The following TTN variants were observed in gnomAD, a reference collection of about 807,000 sequenced individuals.
TTN encodes connectin.
A neutral mutation model predicts 3,223.0 loss-of-function variants in TTN; 1,525 were observed. The observed-to-expected ratio is 0.47, with a 90% CI of 0.45 to 0.49. The LOEUF (loss-of-function observed/expected upper bound fraction) is 0.49, where lower values mean the gene tolerates loss of function less well. Among genes scored for constraint, TTN ranks in the 20% least tolerant of loss-of-function variants. The pLI is 0.00. For synonymous variants in TTN, 14,094 were observed against 15,161.0 expected, an observed-to-expected ratio of 0.93 and a Z score of 5.17; for missense variants, 40,786 against 43,424.0, an observed-to-expected ratio of 0.94 and a Z score of 5.40.
rs1235424627 is a variant in TTN at position 178,645,949 on chromosome 2, TCTTC to T, written c.40375_40378del (p.Glu13459MetfsTer2). The T allele has an allele frequency of 6.3e-7, 1 of 1,587,988 alleles. No homozygotes were observed. The highest frequency in any genetic ancestry group is 8.6e-7 in the Non-Finnish European group (1 of 1,168,960). ...AAGTTGGAATATTTTCTCCTTCACATCTTCCTTAGGTGGAGCAGGTGGAGGAGGT... is the reference window on the plus strand; with the variant it reads ...AAGTTGGAATATTTTCTCCTTCACATCTTAGGTGGAGCAGGTGGAGGAGGT... On this transcript the variant is annotated frameshift_variant, in exon 217 of 363. Transcript: ENST00000589042. LOFTEE classifies it high-confidence loss of function.
At chr2:178,731,244 C>T (rs1560796539) in intron 59 of TTN, 41 bp from the exon 60 acceptor site, 2 of 1,610,374 alleles carry the variant, frequency 1.2e-6, no homozygotes, top group East Asian at 4.5e-5. Context: ...GTGCATTACC[C>T]TGCTGAAAGG....
intron 37 of TTN, 88 bp from the exon 38 acceptor site, chr2:178,769,021 G>GT (rs1449385797): frequency 8.3e-6 from 12 of 1,442,656 alleles, no homozygotes; most frequent in Admixed American, 1.8e-5. Flanking sequence ...AATTTGGAAT[G>GT]TTTTTAGTGC....
Position 178,718,469 on chromosome 2 carries a change from G to T in TTN, c.24637C>A (p.Gln8213Lys). ...SWIKDEYLIS[Q>K]SERCSITMTE... is the part of the protein sequence containing the mutation. The stretch of plus-strand genomic sequence containing the variant: ...ATAGTAATACTGCATCTCTCAGATT[G>T]TGAAATAAGATACTCGTCCTTTATC... Residue 8213 changes from glutamine to lysine, a missense_variant, in exon 85 of 363, where the codon CAA (glutamine) becomes AAA (lysine). Physicochemically the swap from Gln to Lys is moderately conservative, Grantham distance 53 (BLOSUM62 1). Coordinates refer to ENST00000589042, the MANE Select transcript of TTN (RefSeq NM_001267550.2). The T allele has an allele frequency of 1.2e-6, 2 of 1,613,748 alleles. No individual in the cohort carries two copies. The highest frequency in any genetic ancestry group is 1.7e-6 in the Non-Finnish European group (2 of 1,179,742).
In TTN at chr2:178,701,653, G is replaced by A. The variant is rs369560608; in HGVS notation, c.30539-66C>T. ...AAGCTATTTATTAGAAAACTAAGGT[G>A]TGTTTGATTTATTAGATCCTGAGAT... On this transcript the variant is annotated intron_variant, in intron 109 of 362. Coordinates refer to ENST00000589042, the MANE Select transcript of TTN (RefSeq NM_001267550.2). 179 of 1,495,044 alleles carry A rather than the reference G, an allele frequency of 1.2e-4. No homozygotes were observed. In the African/African-American group the frequency reaches 2.2e-3, roughly 19 times the overall value. 92.6% of individuals were successfully genotyped at this position (1,495,044 alleles called of 1,614,324 possible).
chr2:178,684,770 A>G (rs773920821), intron 130 of TTN, 21 bp from the exon 131 acceptor site: 1 of 1,605,738 alleles, frequency 6.2e-7, no homozygotes, highest in Admixed American at 1.7e-5. Flanking sequence ...ACCAGGCAAT[A>G]CCATCAAACA....
chr2:178,776,618 T>C lies in TTN; in HGVS notation c.5246A>G (p.Asn1749Ser), dbSNP rs1304904777. ...AAATTCATTGATCATACGGAGCCTG[T>C]TGGCTGCTTCAAGTGGCTTTCCATC... The part of the protein sequence containing the change: ...LHDGKPLEAA[N>S]RLRMINEFGY... The change falls in exon 28 of 363, where the codon AAC becomes AGC. Residue 1749 changes from asparagine (N) to serine (S), a missense_variant. Physicochemically the swap from Asn to Ser is conservative, Grantham distance 46. Transcript: ENST00000589042. The C allele has an allele frequency of 6.2e-7, 1 of 1,614,018 alleles. No individual in the cohort carries two copies.
In TTN at chr2:178,584,936, T is replaced by C; in HGVS notation, c.64705A>G (p.Ile21569Val). ...CAAGCATCAGCGTCTATATCAGAAA[T>C]GTCAAATGGAGGCTGAGGGGGGCCG... ...APGPPQPPFD[I>V]SDIDADACSL... The change falls in exon 310 of 363, where the codon ATT becomes GTT. Residue 21569 changes from isoleucine (I) to valine (V), a missense_variant. Coordinates refer to ENST00000589042, the MANE Select transcript of TTN (RefSeq NM_001267550.2). 1 of 1,613,200 alleles carries C rather than the reference T, an allele frequency of 6.2e-7. No homozygotes were observed. The highest frequency in any genetic ancestry group is 1.1e-5 in the South Asian group (1 of 91,050).
At position 178,589,270 on chromosome 2, in the gene TTN, T is replaced by C. The variant is rs561142365; in HGVS notation, c.62455A>G (p.Lys20819Glu). Residue 20819 changes from lysine (K) to glutamate (E), a missense_variant, in exon 304 of 363, where the codon AAG becomes GAG. Transcript: ENST00000589042. ...ATDLTRSPRVKIDTRADSSKF... is the reference protein window; with the variant it reads ...ATDLTRSPRVEIDTRADSSKF... Reference sequence around the variant, plus strand: ...GATGAATCAGCACGGGTATCAATCTTGACCCTTGGTGATCTTGTTAAGTCT... The same window carrying C: ...GATGAATCAGCACGGGTATCAATCTCGACCCTTGGTGATCTTGTTAAGTCT... 8 of 1,613,474 alleles carry C rather than the reference T, an allele frequency of 5.0e-6. No individual in the cohort carries two copies. The East Asian group carries it at 1.8e-4, about 36-fold the overall frequency.
Position 178,595,546 on chromosome 2 carries a change from C to T in TTN, c.57808G>A (p.Val19270Ile). ...AENSIGMGPF[V>I]ETSEALVIRE... ...ATAACAAGTGCCTCTGATGTCTCAA[C>T]AAATGGACCCATGCCAATACTATTT... The change falls in exon 295 of 363, where the codon GTT (valine) becomes ATT (isoleucine). Residue 19270 changes from valine to isoleucine, a missense_variant. By Grantham distance (29) the Val-to-Ile change is conservative. Transcript: ENST00000589042. The T allele has an allele frequency of 6.4e-7, 1 of 1,566,626 alleles. No homozygotes were observed. Among genetic ancestry groups the T allele is most frequent in the Non-Finnish European group, 8.7e-7 (1 of 1,154,290 alleles).
Position 178,548,634 on chromosome 2 carries a change from C to T in TTN, c.92992G>A (p.Val30998Met), listed in dbSNP as rs766129755. 7 of 1,613,748 alleles carry T rather than the reference C, an allele frequency of 4.3e-6. No homozygotes were observed. The South Asian group carries it at 7.7e-5, about 18-fold the overall frequency. The change falls in exon 339 of 363, where the codon GTG (valine) becomes ATG (methionine). Residue 30998 changes from valine to methionine, a missense_variant. By Grantham distance (21) the Val-to-Met change is conservative (BLOSUM62 1). Transcript: ENST00000589042. The surrounding 1 kb of genome is among the most constrained non-coding windows in gnomAD (Gnocchi z 4.3). ...GACTTACTACCACTGTTGTTTTCCA[C>T]AGTAAGGGTATATTTCCCTGCATCA... ...RNDAGKYTLTVENNSGSKSIT... is the reference protein window; with the variant it reads ...RNDAGKYTLTMENNSGSKSIT...
chr2:178,777,464 T>G lies in TTN; in HGVS notation c.4601A>C (p.Asn1534Thr). 1 of 1,613,926 alleles carries G rather than the reference T, an allele frequency of 6.2e-7. No individual in the cohort carries two copies. The highest frequency in any genetic ancestry group is 8.5e-7 in the Non-Finnish European group (1 of 1,179,928). The change falls in exon 26 of 363, where the codon AAC (asparagine) becomes ACC (threonine). Residue 1534 changes from asparagine to threonine, a missense_variant. Coordinates refer to ENST00000589042, the MANE Select transcript of TTN (RefSeq NM_001267550.2). ...TGAAATTGAAGATCTGCCTGCCCTG[T>G]TTTGGGCAACCACAGTCCATTCCCC... The part of the protein sequence containing the change: ...DSGEWTVVAQ[N>T]RAGRSSISVI...
chr2:178,733,129 T>C lies in TTN; in HGVS notation c.16055-8A>G. 6.3e-7 allele frequency: 1 copy of C among 1,578,408 alleles called. No homozygotes were observed. On this transcript the variant is annotated splice_region_variant and splice_polypyrimidine_tract_variant and intron_variant, in intron 54 of 362. Transcript: ENST00000589042. ...ATGGAGCAATGTCTCGATCTGTGTG[T>C]TGCACAAGAAGGGAGAAAAGGTCAA... is the stretch of plus-strand genomic sequence containing the variant.
chr2:178,559,943 T>G lies in TTN; in HGVS notation c.86189A>C (p.Lys28730Thr), dbSNP rs774912635. The G allele has an allele frequency of 6.2e-7, 1 of 1,613,860 alleles. No homozygotes were observed. Among genetic ancestry groups the G allele is most frequent in the Non-Finnish European group, 8.5e-7 (1 of 1,179,816 alleles). ...ATCACTGGGGTCACTAGCACCAACC[T>G]TATTGACAGATTTTACTCTGAAAAC... ...EYVFRVKSVN[K>T]VGASDPSDSS... Residue 28730 changes from lysine (K) to threonine (T), a missense_variant, in exon 326 of 363, where the codon AAG (lysine) becomes ACG (threonine). By Grantham distance (78) the Lys-to-Thr change is moderately conservative. Transcript: ENST00000589042.
chr2:178,584,864 T>G lies in TTN; in HGVS notation c.64777A>C (p.Thr21593Pro), dbSNP rs745369313. 8.1e-6 allele frequency: 13 copies of G among 1,613,290 alleles called. No homozygotes were observed. The highest frequency in any genetic ancestry group is 1.1e-5 in the Non-Finnish European group (13 of 1,179,532). ...TCACACTTCTCCACTATATAATTGG[T>G]GATGTTACTGCCTCCGTCCTCCAGA... ...IPLEDGGSNI[T>P]NYIVEKCDVS... Residue 21593 changes from threonine (T) to proline (P), a missense_variant, in exon 310 of 363, where the codon ACC (threonine) becomes CCC (proline). Thr to Pro is a conservative substitution (Grantham distance 38). Transcript: ENST00000589042.
intron 49 of TTN, among the ~76,000 whole-genome samples, chr2:178,737,761 T>C (rs1423517264): frequency 6.6e-6 from 1 of 152,218 alleles, no homozygotes; most frequent in African/African-American, 2.4e-5. Context: ...AATTTTTAAA[T>C]ACATTGAGAC....
chr2:178,692,170 A>G, intron 120 of TTN, 71 bp from the exon 121 acceptor site: 1 of 1,382,910 alleles, frequency 7.2e-7, no homozygotes, highest in Non-Finnish European at 1.0e-6. Context: ...AGATTACATT[A>G]AAGCATAAAT....
rs1392538217 is a variant in TTN at position 178,569,989 on chromosome 2, A to G, written c.76143T>C (p.Ala25381=). 6.2e-7 allele frequency: 1 copy of G among 1,612,412 alleles called. No homozygotes were observed. ...ENHDYEFRVS[A]ENAAGLSEPS... Reference sequence around the variant, plus strand: ...GTTCACTAAGTCCAGCAGCATTCTCAGCAGAAACTCTGAACTCATAATCGT... The same window carrying G: ...GTTCACTAAGTCCAGCAGCATTCTCGGCAGAAACTCTGAACTCATAATCGT... The change falls in exon 326 of 363, where the codon GCT becomes GCC. Residue 25381 remains alanine (A), a synonymous_variant. Transcript: ENST00000589042.
rs375830234 is a variant in TTN, at chr2:178,583,793, A to C, written c.65389T>G (p.Cys21797Gly). ...SKIIGYFVEACKLPGDKWVRC... is the reference protein window; with the variant it reads ...SKIIGYFVEAGKLPGDKWVRC... ...ACCCATTTATCACCAGGAAGTTTGCAAGCTTCTACGAAATAGCCAATAATT... is the reference window on the plus strand; with the variant it reads ...ACCCATTTATCACCAGGAAGTTTGCCAGCTTCTACGAAATAGCCAATAATT... The change falls in exon 312 of 363, where the codon TGC becomes GGC. Residue 21797 changes from cysteine (C) to glycine (G), a missense_variant. By Grantham distance (159) the Cys-to-Gly change is radical. Transcript: ENST00000589042. The C allele has an allele frequency of 5.2e-5, 83 of 1,610,408 alleles. No homozygotes were observed. The highest frequency in any genetic ancestry group is 6.8e-5 in the Non-Finnish European group (80 of 1,178,278).
chr2:178,617,105 A>T lies in TTN; in HGVS notation c.47875+15T>A. ...ATGTGCTATTCCCCGATCTAAAAAT[A>T]AAATATCTATTTACCAAATGCATCG... On this transcript the variant is annotated intron_variant, in intron 255 of 362. Coordinates refer to ENST00000589042, the MANE Select transcript of TTN (RefSeq NM_001267550.2). 1.2e-6 allele frequency: 2 copies of T among 1,610,460 alleles called. No individual in the cohort carries two copies. Among genetic ancestry groups the T allele is most frequent in the Non-Finnish European group, 1.7e-6 (2 of 1,178,300 alleles).
Sources: allele counts gnomAD v4.1 joint callset (sites outside exome capture counted in the v4.1 genomes callset), GRCh38; gene constraint gnomAD v4.1.1; non-coding constraint Gnocchi (gnomAD v3.1); transcripts MANE v1.5; gene names NCBI Gene and HGNC (gene_info 2026-07-23, HGNC 2026-07-21).